The following ASIC2 variants were observed in gnomAD, a reference collection of about 807,000 sequenced individuals.
ASIC2 encodes acid-sensing ion channel 2.
A neutral mutation model predicts 57.3 loss-of-function variants in ASIC2; 25 were observed. The ratio of observed to expected loss-of-function variants is 0.44; its 90% CI spans 0.32 to 0.61. The LOEUF is 0.61. ASIC2 is among the 20% of genes least tolerant of loss of function. ASIC2 has a pLI of 0.06. For synonymous variants in ASIC2, 319 were observed against 307.5 expected, an observed-to-expected ratio of 1.04 and a Z score of -0.39; for missense variants, 641 against 738.1, an observed-to-expected ratio of 0.87 and a Z score of 1.52.
chr17:34,000,959 T>C (rs952778889), intron 1 of ASIC2: 3 of 152,176 alleles, frequency 2.0e-5, no homozygotes, highest in Non-Finnish European at 4.4e-5. Flanking sequence ...AACTTCTCAT[T>C]TTTTTCCATG....
chr17:33,237,059 T>C (rs532713124), intron 1 of ASIC2, among the ~76,000 whole-genome samples: 4 of 152,300 alleles, frequency 2.6e-5, no homozygotes, highest in Admixed American at 2.0e-4. Flanking sequence ...TGTGAGTGTG[T>C]GGTGGTGTGT....
intron 1 of ASIC2, among the ~76,000 whole-genome samples, chr17:33,812,377 C>G (rs57135816): frequency 6.6e-6 from 1 of 152,180 alleles, no homozygotes; most frequent in African/African-American, 2.4e-5. Flanking sequence ...GATTAAGAAG[C>G]TTTATCATTG....
chr17:33,405,672 C>T (rs1355510851), intron 1 of ASIC2, among the ~76,000 whole-genome samples: 10 of 151,670 alleles, frequency 6.6e-5, no homozygotes, highest in South Asian at 2.1e-4. Context: ...TTAGTAGAGA[C>T]GGGGTTTCAA....
At chr17:34,154,422 C>T (rs746239910) in intron 1 of ASIC2, among the ~76,000 whole-genome samples, 8 of 152,134 alleles carry the variant, frequency 5.3e-5, no homozygotes, top group African/African-American at 1.7e-4. Flanking sequence ...TACACTACTG[C>T]CGATTTTGCT....
intron 1 of ASIC2, among the ~76,000 whole-genome samples, chr17:33,876,179 G>A (rs1243886837): frequency 3.9e-5 from 6 of 152,198 alleles, no homozygotes; most frequent in East Asian, 1.9e-4. Flanking sequence ...ACGGGACTAC[G>A]GTTATGGCCT....
At chr17:33,347,261 A>G (rs1048476979) in intron 1 of ASIC2, among the ~76,000 whole-genome samples, 6 of 152,202 alleles carry the variant, frequency 3.9e-5, no homozygotes, top group African/African-American at 1.4e-4. Context: ...TTCAGTATGG[A>G]AATCTTAGAG....
At chr17:33,391,602 T>C (rs1909893250) in intron 1 of ASIC2, among the ~76,000 whole-genome samples, 1 of 152,226 alleles carries the variant, frequency 6.6e-6, no homozygotes, top group African/African-American at 2.4e-5. Flanking sequence ...CGATCACCTC[T>C]CCTTGCCTTG....
At chr17:33,578,044 T>C (rs1165877558) in intron 1 of ASIC2, among the ~76,000 whole-genome samples, 2 of 152,222 alleles carry the variant, frequency 1.3e-5, no homozygotes, top group Non-Finnish European at 2.9e-5. Context: ...GACTGTACTT[T>C]CTGGGTGGAG....
At chr17:33,633,385 A>T (rs1016145403) in intron 1 of ASIC2, among the ~76,000 whole-genome samples, 10 of 152,334 alleles carry the variant, frequency 6.6e-5, no homozygotes, top group African/African-American at 2.4e-4. Flanking sequence ...GGACATAGAA[A>T]GGTGAGATAG....
chr17:33,570,897 G>T (rs1037886756), intron 1 of ASIC2, among the ~76,000 whole-genome samples: 9 of 152,202 alleles, frequency 5.9e-5, no homozygotes, highest in Admixed American at 5.9e-4. Flanking sequence ...TATAAACGCA[G>T]ATGCTTCACA....
chr17:33,303,352 T>G (rs1285409780), intron 1 of ASIC2, among the ~76,000 whole-genome samples: 1 of 152,156 alleles, frequency 6.6e-6, no homozygotes, highest in African/African-American at 2.4e-5. Flanking sequence ...TTTTCCGAGC[T>G]TGGGTGTAAT....
chr17:33,427,506 G>T (rs1476987005), intron 1 of ASIC2, among the ~76,000 whole-genome samples: 1 of 152,196 alleles, frequency 6.6e-6, no homozygotes, highest in Non-Finnish European at 1.5e-5. Context: ...TTTGTAAGTG[G>T]TAATATGGGT....
At chr17:33,322,436 C>T (rs1298808476) in intron 1 of ASIC2, among the ~76,000 whole-genome samples, 1 of 152,150 alleles carries the variant, frequency 6.6e-6, no homozygotes, top group South Asian at 2.1e-4. Context: ...TAATTCCCAT[C>T]GGTTCATTGC....
chr17:33,350,358 T>C (rs1230294984), intron 1 of ASIC2, among the ~76,000 whole-genome samples: 1 of 152,150 alleles, frequency 6.6e-6, no homozygotes, highest in African/African-American at 2.4e-5. Context: ...TCCTTGGGCA[T>C]TTTAGAGCTT....
At chr17:33,927,896 G>A (rs1037414604) in intron 1 of ASIC2, among the ~76,000 whole-genome samples, 8 of 152,116 alleles carry the variant, frequency 5.3e-5, no homozygotes, top group East Asian at 1.9e-4. Flanking sequence ...AATTACAGCC[G>A]TTAACACATG....
At chr17:34,059,357 A>T (rs1908885701) in intron 1 of ASIC2, among the ~76,000 whole-genome samples, 1 of 152,174 alleles carries the variant, frequency 6.6e-6, no homozygotes, top group South Asian at 2.1e-4. Flanking sequence ...TGGGTCTCTA[A>T]GCAGCCCATT....
intron 1 of ASIC2, among the ~76,000 whole-genome samples, chr17:34,145,642 A>T (rs900972381): frequency 1.3e-5 from 2 of 152,164 alleles, no homozygotes; most frequent in African/African-American, 4.8e-5. Context: ...TCACACAGAG[A>T]AAGTCACATT....
chr17:33,996,716 T>C (rs532778432), intron 1 of ASIC2, among the ~76,000 whole-genome samples: 9 of 152,332 alleles, frequency 5.9e-5, no homozygotes, highest in Admixed American at 5.2e-4. Flanking sequence ...TTGGTTTAGA[T>C]GTTTGTTTTA....
chr17:34,010,966 ATG>A (rs2142021056), intron 1 of ASIC2, among the ~76,000 whole-genome samples: 8 of 6,772 alleles, frequency 1.2e-3, no homozygotes, highest in African/African-American at 2.5e-3. Flanking sequence ...AGTCAGACAC[ATG>A]CACACGCACA....
Sources: allele counts gnomAD v4.1 joint callset (sites outside exome capture counted in the v4.1 genomes callset), GRCh38; gene constraint gnomAD v4.1.1; transcripts MANE v1.5; gene names NCBI Gene and HGNC (gene_info 2026-07-23, HGNC 2026-07-21).